Variants in MRPL20 observed in about 807,000 individuals in gnomAD.
MRPL20 encodes large ribosomal subunit protein bL20m.
MRPL20 carries 21 observed loss-of-function variants against 20.0 expected under a neutral mutation model. The ratio of observed to expected loss-of-function variants is 1.05; its 90% CI spans 0.74 to 1.51. The LOEUF is 1.51. Among genes scored for constraint, MRPL20 ranks in the 40% most tolerant of loss-of-function variants. MRPL20 has a pLI of 0.00. For synonymous variants in MRPL20, 104 were observed against 73.0 expected, an observed-to-expected ratio of 1.43 and a Z score of -2.17; for missense variants, 252 against 185.6, an observed-to-expected ratio of 1.36 and a Z score of -2.08.
At chr1:1,407,106 C>T (rs752772348) in intron 1 of MRPL20, 25 bp downstream of exon 1, 1 of 1,609,416 alleles carries the variant, frequency 6.2e-7, no homozygotes, top group Non-Finnish European at 8.5e-7. Context: ...GCGCCCAGTG[C>T]CCAGGCCGGG....
Position 1,402,166 on chromosome 1 carries a change from T to G in MRPL20, c.367A>C (p.Arg123=), listed in dbSNP as rs570144156. The G allele has an allele frequency of 6.2e-7, 1 of 1,614,130 alleles. No individual in the cohort carries two copies. Among genetic ancestry groups the G allele is most frequent in the African/African-American group, 1.3e-5 (1 of 75,032 alleles). ...GCAGCAGCAAATCCTTCGTGTCGCC[T>G]CCTACTGGCCAAGGCAGCCAAAGAT... ...FKSLAALASR[R]RHEGFAAALG... The change falls in exon 4 of 4, where the codon AGG becomes CGG. Residue 123 remains arginine, a synonymous_variant. Transcript: ENST00000344843.
At chr1:1,406,864 G>A in intron 2 of MRPL20, 45 bp downstream of exon 2, 2 of 1,535,142 alleles carry the variant, frequency 1.3e-6, no homozygotes, top group East Asian at 2.3e-5. Context: ...GAAACGCAGG[G>A]GCCGCGAGTG....
In MRPL20 at chr1:1,402,080, T is replaced by C. The variant is rs1286009351; in HGVS notation, c.*3A>G. The C allele has an allele frequency of 6.2e-7, 1 of 1,609,100 alleles. No individual in the cohort carries two copies. The highest frequency in any genetic ancestry group is 1.7e-5 in the Admixed American group (1 of 58,490). On this transcript the variant is annotated 3_prime_UTR_variant, in exon 4 of 4. Coordinates refer to ENST00000344843, the MANE Select transcript of MRPL20 (RefSeq NM_017971.4). ...CTTTTCCTAATCAATACAGCAACAG[T>C]CCTCAGTGGTACTGCACCACTCTGG...
intron 3 of MRPL20, among the ~76,000 whole-genome samples, chr1:1,404,846 T>C (rs1645368131): frequency 6.6e-6 from 1 of 152,076 alleles, no homozygotes; most frequent in Non-Finnish European, 1.5e-5. Flanking sequence ...CCAATTCTGC[T>C]CTGCTGCCAA....
chr1:1,406,354 T>TAAG (rs972957156), intron 2 of MRPL20: 7 of 171,886 alleles, frequency 4.1e-5, no homozygotes, highest in East Asian at 3.3e-4. Flanking sequence ...CGTCTCGGGG[T>TAAG]AAGAAAAAAA....
Position 1,401,954 on chromosome 1 carries a change from G to C in MRPL20, c.*129C>G, listed in dbSNP as rs1171. On this transcript the variant is annotated 3_prime_UTR_variant, in exon 4 of 4. Transcript: ENST00000344843. ...TTCACACAAAACATGGACATCATCT[G>C]TGAGGCTCTGTCCCAGAGAGACAGG... 8.8e-5 allele frequency: 93 copies of C among 1,051,628 alleles called. No homozygotes were observed. Among genetic ancestry groups the C allele is most frequent in the Non-Finnish European group, 1.2e-4 (91 of 729,310 alleles). 65.1% of individuals were successfully genotyped at this position (1,051,628 alleles called of 1,614,324 possible). A position where few individuals can be genotyped will look rare whatever the true frequency, so the allele number is the denominator to read the frequency against.
At chr1:1,406,605 C>T (rs1645386555) in intron 2 of MRPL20, 9 of 419,306 alleles carry the variant, frequency 2.1e-5, no homozygotes, top group South Asian at 1.8e-4. Context: ...GGGAAGCCAC[C>T]GGAGGGATGA....
In MRPL20 at chr1:1,402,009, A is replaced by T; in HGVS notation, c.*74T>A. On this transcript the variant is annotated 3_prime_UTR_variant, in exon 4 of 4. Transcript: ENST00000344843. ...TCCCTCATGTCTGTTATTGGGTTGT[A>T]GATAAACAAAAGTATAAATCAAACA... 1 of 1,503,268 alleles carries T rather than the reference A, an allele frequency of 6.7e-7. No individual in the cohort carries two copies. Among genetic ancestry groups the T allele is most frequent in the Non-Finnish European group, 9.0e-7 (1 of 1,108,368 alleles). 93.1% of individuals were successfully genotyped at this position (1,503,268 alleles called of 1,614,324 possible).
chr1:1,407,069 C>A (rs373962319), intron 1 of MRPL20, 50 bp from the exon 2 acceptor site: 2 of 1,608,942 alleles, frequency 1.2e-6, no homozygotes, highest in South Asian at 2.2e-5. Flanking sequence ...CCGCGCCGGC[C>A]GCCCCTTGGC....
At position 1,402,012 on chromosome 1, in the gene MRPL20, TAA is replaced by T; in HGVS notation, c.*69_*70del. 2 of 1,521,252 alleles carry T rather than the reference TAA, an allele frequency of 1.3e-6. No individual in the cohort carries two copies. The highest frequency in any genetic ancestry group is 2.5e-5 in the South Asian group (2 of 79,024). 94.2% of individuals were successfully genotyped at this position (1,521,252 alleles called of 1,614,324 possible). A position where few individuals can be genotyped will look rare whatever the true frequency, so the allele number is the denominator to read the frequency against. The stretch of plus-strand genomic sequence containing the variant: ...CTCATGTCTGTTATTGGGTTGTAGA[TAA>T]ACAAAAGTATAAATCAAACAAACTG... On this transcript the variant is annotated 3_prime_UTR_variant, in exon 4 of 4. Transcript: ENST00000344843.
rs375776894 is a variant in MRPL20 at position 1,402,480 on chromosome 1, G to A, written c.277-224C>T. On this transcript the variant is annotated intron_variant, in intron 3 of 3. Coordinates refer to ENST00000344843, the MANE Select transcript of MRPL20 (RefSeq NM_017971.4). ...GAAGCACCTGTGGAATCTGCAGGGA[G>A]GCTGGACTCCAGTCCTGATGTCGGC... is the stretch of plus-strand genomic sequence containing the variant. The A allele has an allele frequency of 1.7e-4, 226 of 1,304,404 alleles. No homozygotes were observed. In the African/African-American group the frequency reaches 3.1e-3, roughly 18 times the overall value. The allele number at this position is 1,304,404 out of a possible 1,614,324, so 80.8% of individuals were successfully genotyped here. A position where few individuals can be genotyped will look rare whatever the true frequency, so the allele number is the denominator to read the frequency against.
At chr1:1,406,843 G>A in intron 2 of MRPL20, 66 bp downstream of exon 2, 1 of 1,408,100 alleles carries the variant, frequency 7.1e-7, no homozygotes, top group Non-Finnish European at 1.0e-6. Flanking sequence ...CACTAGCTGG[G>A]TCGCGGCGCA....
Position 1,407,254 on chromosome 1 carries a change from G to A in MRPL20, c.-37C>T. 2.0e-6 allele frequency: 3 copies of A among 1,521,818 alleles called. No homozygotes were observed. Among genetic ancestry groups the A allele is most frequent in the Non-Finnish European group, 2.7e-6 (3 of 1,117,756 alleles). The allele number at this position is 1,521,818 out of a possible 1,614,324, so 94.3% of individuals were successfully genotyped here. A position where few individuals can be genotyped will look rare whatever the true frequency, so the allele number is the denominator to read the frequency against. ...GCCGGCGTCCCGAACACTCAACAAC[G>A]CACGCGCAGCGCCGCTGCCATCTTG... On this transcript the variant is annotated 5_prime_UTR_variant, in exon 1 of 4. Transcript: ENST00000344843.
Position 1,405,893 on chromosome 1 carries a change from T to A in MRPL20, c.199-7A>T. 6.2e-7 allele frequency: 1 copy of A among 1,604,836 alleles called. No individual in the cohort carries two copies. Among genetic ancestry groups the A allele is most frequent in the Non-Finnish European group, 8.5e-7 (1 of 1,173,144 alleles). On this transcript the variant is annotated splice_region_variant and splice_polypyrimidine_tract_variant and intron_variant, in intron 2 of 3. Transcript: ENST00000344843. ...TAATTCGATTAATCCAGAGCTGAAA[T>A]AAGAAAACATGAAGATACTTAAAAA...
At chr1:1,402,503 G>A (rs563627040) in intron 3 of MRPL20, 22 of 1,246,644 alleles carry the variant, frequency 1.8e-5, no homozygotes, top group African/African-American at 1.7e-4. Flanking sequence ...TCCTGATGTC[G>A]GCCCGGGGAA....
In MRPL20 at chr1:1,402,236, C is replaced by T; in HGVS notation, c.297G>A (p.Arg99=). The T allele has an allele frequency of 1.2e-6, 2 of 1,612,698 alleles. No homozygotes were observed. The highest frequency in any genetic ancestry group is 1.7e-6 in the Non-Finnish European group (2 of 1,179,380). Residue 99 remains arginine (R), a synonymous_variant, in exon 4 of 4, where the codon AGG becomes AGA. Coordinates refer to ENST00000344843, the MANE Select transcript of MRPL20 (RefSeq NM_017971.4). ...NLVKCQVELN[R]KVLADLAIYE... ...AGATGGCCAGATCCGCTAGGACTTT[C>T]CTGTTGAGCTCCACCTGGCACTGAA...
At chr1:1,405,957 G>C in intron 2 of MRPL20, 71 bp from the exon 3 acceptor site, 3 of 1,544,382 alleles carry the variant, frequency 1.9e-6, no homozygotes, top group Non-Finnish European at 2.6e-6. Flanking sequence ...GCCTCTAATT[G>C]ATCTAAAGAA....
rs1645378405 is a variant in MRPL20 at position 1,405,815 on chromosome 1, T to G, written c.270A>C (p.Leu90Phe). ...CCCACATACTCACCCATACCTTAAC[T>G]AAATTCCCAATGAGCGCTGGATACT... ...GLKYPALIGN[L>F]VKCQVELNRK... Residue 90 changes from leucine (L) to phenylalanine (F), a missense_variant, in exon 3 of 4, where the codon TTA becomes TTC. Physicochemically the swap from Leu to Phe is conservative, Grantham distance 22. Coordinates refer to ENST00000344843, the MANE Select transcript of MRPL20 (RefSeq NM_017971.4). The G allele has an allele frequency of 6.2e-7, 1 of 1,613,980 alleles. No homozygotes were observed. Among genetic ancestry groups the G allele is most frequent in the Admixed American group, 1.7e-5 (1 of 60,004 alleles).
chr1:1,404,969 C>T (rs187328014), intron 3 of MRPL20: 123 of 152,492 alleles, frequency 8.1e-4, no homozygotes, highest in East Asian at 4.7e-3. Flanking sequence ...TAACAGGCTG[C>T]GCCAGGTCTG....
Sources: allele counts gnomAD v4.1 joint callset (sites outside exome capture counted in the v4.1 genomes callset), GRCh38; gene constraint gnomAD v4.1.1; transcripts MANE v1.5; gene names NCBI Gene and HGNC (gene_info 2026-07-23, HGNC 2026-07-21).